Variants in SNX29 observed in about 807,000 individuals in gnomAD.
The protein encoded by SNX29 is sorting nexin-29.
Under a neutral mutation model 102.1 loss-of-function variants are expected in SNX29, and 78 were observed. The ratio of observed to expected loss-of-function variants is 0.76; its 90% CI spans 0.64 to 0.92. The LOEUF (loss-of-function observed/expected upper bound fraction) is 0.92, where lower values mean the gene tolerates loss of function less well. SNX29 is among the 40% of genes least tolerant of loss of function. The probability of loss-of-function intolerance (pLI) is 0.00; values close to 1 mark genes in which losing one functional copy is unlikely to be tolerated. For synonymous variants in SNX29, 580 were observed against 414.5 expected (o/e 1.40, Z -4.85); for missense variants, 1,280 against 1,061.7 (o/e 1.21, Z -2.86).
At chr16:12,370,550 A>G (rs937700242) in intron 16 of SNX29, among the ~76,000 whole-genome samples, 1 of 152,074 alleles carries the variant, frequency 6.6e-6, no homozygotes, top group Non-Finnish European at 1.5e-5. Context: ...ACAGAGCGAA[A>G]CTCCGTCTCA....
At chr16:11,982,651 G>A (rs762575050) in intron 1 of SNX29, among the ~76,000 whole-genome samples, 2 of 151,932 alleles carry the variant, frequency 1.3e-5, no homozygotes, top group African/African-American at 4.8e-5. Context: ...GGACGGTCTC[G>A]ATCTCCTGAC....
intron 13 of SNX29, among the ~76,000 whole-genome samples, chr16:12,155,319 A>T (rs1298216194): frequency 6.6e-6 from 1 of 152,214 alleles, no homozygotes; most frequent in Admixed American, 6.5e-5. Context: ...TCCTGTGTTA[A>T]GTCGGTGGAT....
chr16:12,465,568 G>A (rs1335279054), intron 18 of SNX29, among the ~76,000 whole-genome samples: 1 of 152,110 alleles, frequency 6.6e-6, no homozygotes, highest in Non-Finnish European at 1.5e-5. Flanking sequence ...CATGGTCTAT[G>A]TGTCTGTTTT....
intron 20 of SNX29, among the ~76,000 whole-genome samples, chr16:12,556,187 C>G (rs944307865): frequency 6.6e-6 from 1 of 152,152 alleles, no homozygotes. Context: ...CCAGATGTTG[C>G]TGAGTCTGAA....
At chr16:12,203,918 C>T (rs1295611700) in intron 14 of SNX29, among the ~76,000 whole-genome samples, 1 of 152,198 alleles carries the variant, frequency 6.6e-6, no homozygotes, top group Non-Finnish European at 1.5e-5. Context: ...GTACTTGCTC[C>T]AGTTTTCACT....
At chr16:12,543,326 A>T (rs1431445848) in intron 20 of SNX29, among the ~76,000 whole-genome samples, 1 of 152,152 alleles carries the variant, frequency 6.6e-6, no homozygotes, top group Non-Finnish European at 1.5e-5. Context: ...TGATTAGCCA[A>T]ATCTGGGGCA....
chr16:12,465,967 C>A (rs1167714620), intron 18 of SNX29, among the ~76,000 whole-genome samples: 1 of 152,014 alleles, frequency 6.6e-6, no homozygotes, highest in African/African-American at 2.4e-5. Context: ...GATAACCCCC[C>A]AATGAATGAG....
chr16:12,504,930 A>T (rs913285797), intron 19 of SNX29, among the ~76,000 whole-genome samples: 1 of 152,122 alleles, frequency 6.6e-6, no homozygotes, highest in Non-Finnish European at 1.5e-5. Context: ...TATTTTGCCT[A>T]TTCATTCGTC....
At chr16:12,364,233 C>G (rs769714517) in intron 16 of SNX29, among the ~76,000 whole-genome samples, 50 of 130,266 alleles carry the variant, frequency 3.8e-4, no homozygotes, top group Non-Finnish European at 5.7e-4. Flanking sequence ...TAGAGGCAGG[C>G]TCTCACTATA....
intron 16 of SNX29, among the ~76,000 whole-genome samples, chr16:12,394,640 G>A (rs887744413): frequency 1.3e-5 from 2 of 152,286 alleles, no homozygotes; most frequent in East Asian, 3.9e-4. Flanking sequence ...GGTAGTTGGT[G>A]CTGGCTATCC....
intron 20 of SNX29, among the ~76,000 whole-genome samples, chr16:12,566,622 A>C (rs186909963): frequency 1.8e-3 from 272 of 152,300 alleles, no homozygotes; most frequent in African/African-American, 6.1e-3. Flanking sequence ...CCTACACTGC[A>C]AGCAAAGACC....
At chr16:12,404,425 C>T (rs2084083882) in intron 18 of SNX29, among the ~76,000 whole-genome samples, 1 of 152,140 alleles carries the variant, frequency 6.6e-6, no homozygotes. Flanking sequence ...CTCTCTCTTA[C>T]CACGGACTCT....
chr16:12,063,366 C>CTTTTTTT lies in SNX29; in HGVS notation c.1243+1740_1243+1746dup, dbSNP rs369015533. On this transcript the variant is annotated intron_variant, in intron 9 of 20. Transcript: ENST00000566228. ...CCCACCTCTTCTTTTCCTAGTCCAT[C>CTTTTTTT]TTTTTTTTTTTTTTTTTTTTTTTTT... Among the ~76,000 whole-genome samples the CTTTTTTT allele has an allele frequency of 3.4e-3, 191 of 55,386 alleles. 20 individuals are homozygous for CTTTTTTT. Among genetic ancestry groups the CTTTTTTT allele is most frequent in the African/African-American group, 0.011 (151 of 13,914 alleles). 36.3% of individuals were successfully genotyped at this position (55,386 alleles called of 152,430 possible).
chr16:12,439,445 G>T (rs533947154), intron 18 of SNX29, among the ~76,000 whole-genome samples: 2 of 152,142 alleles, frequency 1.3e-5, no homozygotes, highest in South Asian at 4.2e-4. Context: ...TACAAAAGAG[G>T]TTGAATGGAC....
At chr16:12,046,909 G>A (rs759324400) in intron 6 of SNX29, among the ~76,000 whole-genome samples, 5 of 152,180 alleles carry the variant, frequency 3.3e-5, no homozygotes, top group East Asian at 3.8e-4. Context: ...GTGAGCCACC[G>A]TGCCCGACCA....
intron 15 of SNX29, among the ~76,000 whole-genome samples, chr16:12,321,314 G>A (rs2080924151): frequency 6.6e-6 from 1 of 152,144 alleles, no homozygotes; most frequent in South Asian, 2.1e-4. Context: ...ATTGGAGTAG[G>A]TTCACTGTGT....
Position 12,088,919 on chromosome 16 carries a change from C to G in SNX29, c.1402+10004C>G, listed in dbSNP as rs1018919627. 4.6e-5 allele frequency among the ~76,000 whole-genome samples: 7 copies of G among 152,172 alleles called. No individual in the cohort carries two copies. The East Asian group carries it at 1.3e-3, about 29-fold the overall frequency. ...CCTGGCCAACACAGCGAAACCCCAT[C>G]TCTACTGACAGTACAAAAATTAGCT... On this transcript the variant is annotated intron_variant, in intron 11 of 20. Coordinates refer to ENST00000566228, the MANE Select transcript of SNX29 (RefSeq NM_032167.5).
intron 14 of SNX29, among the ~76,000 whole-genome samples, chr16:12,204,667 A>G (rs1380296146): frequency 5.9e-5 from 9 of 152,230 alleles, no homozygotes; most frequent in Non-Finnish European, 1.2e-4. Context: ...AACTTGACAG[A>G]TGAGGGAGGC....
chr16:12,353,224 G>A (rs569700261), intron 15 of SNX29, among the ~76,000 whole-genome samples: 27 of 152,198 alleles, frequency 1.8e-4, no homozygotes, highest in African/African-American at 6.3e-4. Flanking sequence ...CTCTTGCTTC[G>A]GGGCACACTG....
Sources: gnomAD v4.1 joint callset for allele counts (sites outside exome capture counted in the v4.1 genomes callset) on GRCh38, gnomAD v4.1.1 for gene constraint, MANE v1.5 for transcripts, NCBI Gene and HGNC (gene_info 2026-07-23, HGNC 2026-07-21) for gene names.